Variants in NSD2 observed in about 807,000 individuals in gnomAD.
NSD2 encodes nuclear receptor binding SET domain protein 2.
Under a neutral mutation model 139.0 loss-of-function variants are expected in NSD2, and 12 were observed. The observed-to-expected ratio is 0.09, with a 90% confidence interval of 0.06 to 0.14. The LOEUF is 0.14. Among genes scored for constraint, NSD2 ranks in the 10% least tolerant of loss-of-function variants. The pLI, the probability that NSD2 is intolerant of heterozygous loss-of-function variation, is 1.00. For synonymous variants in NSD2, 669 were observed against 648.7 expected, an observed-to-expected ratio of 1.03 and a Z score of -0.48; for missense variants, 1,155 against 1,745.0, an observed-to-expected ratio of 0.66 and a Z score of 6.02.
chr4:1,896,095 G>T (rs1189524604), intron 1 of NSD2, among the ~76,000 whole-genome samples: 1 of 152,252 alleles, frequency 6.6e-6, no homozygotes, highest in Non-Finnish European at 1.5e-5. Context: ...GGGTCCCACA[G>T]TGTAGTAAGT....
rs558170729 is a variant in NSD2, at chr4:1,926,026, C to T, written c.1411-4600C>T. ...CTATGTTGCCCAATCTGGACTCAAA[C>T]TCCTGGCCTTAAGCGATCCTCCTAC... On this transcript the variant is annotated intron_variant, in intron 5 of 21. Coordinates refer to ENST00000508803, the MANE Select transcript of NSD2 (RefSeq NM_001042424.3). Among the ~76,000 whole-genome samples, 24 of 152,058 alleles carry T rather than the reference C, an allele frequency of 1.6e-4. No individual in the cohort carries two copies. The East Asian group carries it at 4.4e-3, about 28-fold the overall frequency.
In NSD2 at chr4:1,978,929, C is replaced by G. The variant is rs769541254; in HGVS notation, c.*20C>G. 6.8e-7 allele frequency: 1 copy of G among 1,477,808 alleles called. No homozygotes were observed. The highest frequency in any genetic ancestry group is 9.0e-7 in the Non-Finnish European group (1 of 1,111,256). 91.5% of individuals were successfully genotyped at this position (1,477,808 alleles called of 1,614,324 possible). A position where few individuals can be genotyped will look rare whatever the true frequency, so the allele number is the denominator to read the frequency against. On this transcript the variant is annotated 3_prime_UTR_variant, in exon 22 of 22. Coordinates refer to ENST00000508803, the MANE Select transcript of NSD2 (RefSeq NM_001042424.3). ...AAATAGCGCCAGGCGGCCGCTTGGC[C>G]GGATCCAGGGGCGGTGCAGGGCGGC...
At chr4:1,975,189 A>C (rs1277790735) in intron 19 of NSD2, 105 bp from the exon 20 acceptor site, 1 of 1,405,818 alleles carries the variant, frequency 7.1e-7, no homozygotes, top group Non-Finnish European at 9.9e-7. Context: ...GCCAGTACAG[A>C]TACAAAAATA....
rs1727469890 is a variant in NSD2, at chr4:1,979,055, C to T, written c.*146C>T. 2.9e-6 allele frequency: 3 copies of T among 1,041,626 alleles called. No individual in the cohort carries two copies. Among genetic ancestry groups the T allele is most frequent in the Non-Finnish European group, 4.0e-6 (3 of 757,888 alleles). 64.5% of individuals were successfully genotyped at this position (1,041,626 alleles called of 1,614,324 possible). On this transcript the variant is annotated 3_prime_UTR_variant, in exon 22 of 22. Coordinates refer to ENST00000508803, the MANE Select transcript of NSD2 (RefSeq NM_001042424.3). ...CAGGCCTCCTCGGGAGGGAGCGCCT[C>T]CCCACCACTGAGCCATCCTCAGCAG...
chr4:1,905,234 A>G (rs1717733719), intron 3 of NSD2, among the ~76,000 whole-genome samples: 1 of 152,204 alleles, frequency 6.6e-6, no homozygotes, highest in Non-Finnish European at 1.5e-5. Flanking sequence ...ATGTGGTTTG[A>G]GGTTTTTCTG....
intron 9 of NSD2, chr4:1,941,694 A>C: frequency 9.6e-7 from 1 of 1,046,088 alleles, no homozygotes; most frequent in South Asian, 4.6e-5. Context: ...CCTTATATGA[A>C]AACGTTTAAA....
chr4:1,888,270 G>C (rs1715266324), intron 1 of NSD2, among the ~76,000 whole-genome samples: 1 of 151,912 alleles, frequency 6.6e-6, no homozygotes, highest in African/African-American at 2.4e-5. Flanking sequence ...AAATTAGCCA[G>C]GCCTGGTGTT....
In NSD2 at chr4:1,978,840, A is replaced by C. The variant is rs757473217; in HGVS notation, c.4029A>C (p.Pro1343=). 13 of 1,601,344 alleles carry C rather than the reference A, an allele frequency of 8.1e-6. No individual in the cohort carries two copies. The highest frequency in any genetic ancestry group is 2.2e-5 in the East Asian group (1 of 44,478). Residue 1343 remains proline, a synonymous_variant, in exon 22 of 22, where the codon CCA becomes CCC. Transcript: ENST00000508803. ...VRSTKTEKPP[P]EPGKPKGKRR... is the part of the protein sequence containing the mutation. ...GCACCAAGACTGAGAAGCCCCCCCC[A>C]GAGCCAGGGAAGCCGAAGGGGAAGA...
At chr4:1,923,198 G>T (rs940086924) in intron 5 of NSD2, among the ~76,000 whole-genome samples, 1 of 150,816 alleles carries the variant, frequency 6.6e-6, no homozygotes, top group African/African-American at 2.4e-5. Context: ...ATGTTAAAAT[G>T]AAAATCTAGG....
At chr4:1,960,327 A>G (rs765760451) in intron 17 of NSD2, among the ~76,000 whole-genome samples, 2 of 152,220 alleles carry the variant, frequency 1.3e-5, no homozygotes, top group Admixed American at 6.5e-5. Context: ...CCTCTGGGCT[A>G]GTAGCCAGGT....
chr4:1,897,643 A>G (rs780017786), intron 1 of NSD2, among the ~76,000 whole-genome samples: 1 of 152,084 alleles, frequency 6.6e-6, no homozygotes, highest in Non-Finnish European at 1.5e-5. Flanking sequence ...ATTTTTATTG[A>G]TATATTTTTG....
chr4:1,909,262 AC>A (rs532991383), intron 3 of NSD2, among the ~76,000 whole-genome samples: 15 of 146,902 alleles, frequency 1.0e-4, no homozygotes, highest in Admixed American at 2.7e-4. Context: ...TTTTCCCACC[AC>A]CCCCCCCAAC....
intron 1 of NSD2, among the ~76,000 whole-genome samples, chr4:1,880,598 T>C (rs1270289836): frequency 6.8e-6 from 1 of 147,490 alleles, no homozygotes; most frequent in African/African-American, 2.6e-5. Context: ...GAAAAATCTG[T>C]GAAATACTCC....
chr4:1,941,326 T>C, intron 9 of NSD2: 1 of 1,054,136 alleles, frequency 9.5e-7, no homozygotes, highest in Non-Finnish European at 1.1e-6. Flanking sequence ...TTGCTTATAC[T>C]GTTGTCAGGT....
intron 9 of NSD2, chr4:1,941,928 T>G: frequency 9.3e-7 from 1 of 1,073,880 alleles, no homozygotes; most frequent in Non-Finnish European, 1.1e-6. Context: ...AACAGCCTGT[T>G]GACTGCTGGG....
In NSD2 at chr4:1,948,475, C is replaced by G. The variant is rs1204307282; in HGVS notation, c.1882-2597C>G. The G allele has an allele frequency of 1.9e-6, 2 of 1,065,412 alleles. No individual in the cohort carries two copies. The highest frequency in any genetic ancestry group is 2.3e-6 in the Non-Finnish European group (2 of 878,524). 66.0% of individuals were successfully genotyped at this position (1,065,412 alleles called of 1,614,324 possible). On this transcript the variant is annotated intron_variant, in intron 9 of 21. Transcript: ENST00000508803. This position sits in a 1 kb window ranked among gnomAD's most constrained non-coding sequence, Gnocchi z 4.5. ...CTGTGGGACGCCCTCGTACTTTGCTCTCCTTGCGGGTGGTTGCCGAGCCGA... is the reference window on the plus strand; with the variant it reads ...CTGTGGGACGCCCTCGTACTTTGCTGTCCTTGCGGGTGGTTGCCGAGCCGA...
intron 1 of NSD2, among the ~76,000 whole-genome samples, chr4:1,891,191 G>A (rs921138347): frequency 5.9e-5 from 9 of 152,266 alleles, no homozygotes; most frequent in East Asian, 1.9e-4. Flanking sequence ...ACTGTGCCCC[G>A]CCTACGTGGA....
At chr4:1,940,351 C>T in intron 9 of NSD2, 1 of 1,068,162 alleles carries the variant, frequency 9.4e-7, no homozygotes, top group Non-Finnish European at 1.1e-6. Context: ...AATATGACTC[C>T]TGTGTTCTGG....
At chr4:1,901,949 C>G (rs981479479) in intron 2 of NSD2, among the ~76,000 whole-genome samples, 2 of 152,180 alleles carry the variant, frequency 1.3e-5, no homozygotes, top group African/African-American at 4.8e-5. Context: ...GATGGTGTCT[C>G]CACGCCTTCA....
Sources: allele counts gnomAD v4.1 joint callset (sites outside exome capture counted in the v4.1 genomes callset), GRCh38; gene constraint gnomAD v4.1.1; non-coding constraint Gnocchi (gnomAD v3.1); transcripts MANE v1.5; gene names NCBI Gene and HGNC (gene_info 2026-07-23, HGNC 2026-07-21).